Variants in CAMK4 observed in about 807,000 individuals in gnomAD.
CAMK4 encodes calcium/calmodulin dependent protein kinase IV.
CAMK4 carries 22 observed loss-of-function variants against 44.9 expected under a neutral mutation model. That is an observed-to-expected ratio of 0.49 (90% CI 0.35 to 0.70). The LOEUF (loss-of-function observed/expected upper bound fraction) is 0.70, where lower values mean the gene tolerates loss of function less well. Ranked by LOEUF, CAMK4 falls within the 30% of genes least tolerant of loss-of-function variation. The pLI is 0.01. For missense variants in CAMK4, 498 were observed against 586.8 expected, an observed-to-expected ratio of 0.85 and a Z score of 1.56; for synonymous variants, 218 against 215.4, an observed-to-expected ratio of 1.01 and a Z score of -0.11.
chr5:111,469,422 AC>A (rs1440215566), intron 7 of CAMK4, among the ~76,000 whole-genome samples: 1 of 152,082 alleles, frequency 6.6e-6, no homozygotes, highest in Non-Finnish European at 1.5e-5. Context: ...ACATTGCAGT[AC>A]AGTGCTTCAC....
intron 1 of CAMK4, among the ~76,000 whole-genome samples, chr5:111,339,717 G>A (rs1749559176): frequency 6.6e-6 from 1 of 151,094 alleles, no homozygotes; most frequent in African/African-American, 2.4e-5. Flanking sequence ...GGGGTCTTTT[G>A]TGATTCCACA....
intron 5 of CAMK4, among the ~76,000 whole-genome samples, chr5:111,426,305 T>A (rs1284356258): frequency 6.6e-6 from 1 of 152,210 alleles, no homozygotes; most frequent in Non-Finnish European, 1.5e-5. Flanking sequence ...TTAAAGTGAA[T>A]TTTTATATAC....
At chr5:111,351,382 G>T (rs933499836) in intron 2 of CAMK4, among the ~76,000 whole-genome samples, 2 of 151,474 alleles carry the variant, frequency 1.3e-5, no homozygotes, top group Admixed American at 6.6e-5. Flanking sequence ...AAGGAAACTG[G>T]CAACTTGGAA....
intron 2 of CAMK4, among the ~76,000 whole-genome samples, chr5:111,365,766 G>T (rs796183543): frequency 5.9e-5 from 9 of 152,186 alleles, no homozygotes; most frequent in African/African-American, 2.2e-4. Flanking sequence ...GTCATAAGAT[G>T]CCCAGGTTTC....
intron 5 of CAMK4, among the ~76,000 whole-genome samples, chr5:111,438,058 T>G (rs1753705918): frequency 6.6e-6 from 1 of 152,200 alleles, no homozygotes; most frequent in South Asian, 2.1e-4. Flanking sequence ...TGAAAGAACT[T>G]AATTGTGAAT....
Position 111,404,370 on chromosome 5 carries a change from A to T in CAMK4, c.459+9588A>T, listed in dbSNP as rs115002316. ...GTCCATGGTCAGTTCTTATCTGGAG[A>T]AAGTTACTGAAATCAGTCTCTTGTA... is the stretch of plus-strand genomic sequence containing the variant. On this transcript the variant is annotated intron_variant, in intron 5 of 10. Coordinates refer to ENST00000282356, the MANE Select transcript of CAMK4 (RefSeq NM_001744.6). Among the ~76,000 whole-genome samples the T allele has an allele frequency of 7.0e-3, 1,063 of 152,278 alleles. 8 individuals are homozygous for T. The highest frequency in any genetic ancestry group is 0.025 in the African/African-American group (1,024 of 41,558).
At chr5:111,324,835 A>AT (rs1392502822) in intron 1 of CAMK4, among the ~76,000 whole-genome samples, 13 of 151,804 alleles carry the variant, frequency 8.6e-5, no homozygotes, top group Non-Finnish European at 1.6e-4. Context: ...TATAGTATGT[A>AT]TTTTTTTTCT....
chr5:111,457,540 C>G (rs1754461713), intron 7 of CAMK4, among the ~76,000 whole-genome samples: 1 of 152,184 alleles, frequency 6.6e-6, no homozygotes, highest in Non-Finnish European at 1.5e-5. Context: ...AAAGAAATAA[C>G]CCATTAGATT....
At chr5:111,378,117 G>T (rs374321427) in intron 4 of CAMK4, among the ~76,000 whole-genome samples, 7 of 151,998 alleles carry the variant, frequency 4.6e-5, no homozygotes, top group Non-Finnish European at 1.0e-4. Flanking sequence ...AGGTCATAAA[G>T]GTGGAGCCCT....
intron 1 of CAMK4, among the ~76,000 whole-genome samples, chr5:111,253,446 T>C (rs1749606574): frequency 6.6e-6 from 1 of 152,182 alleles, no homozygotes; most frequent in Admixed American, 6.5e-5. Context: ...ATGGTCAGCA[T>C]TTGGTTTTCT....
rs376133338 is a variant in CAMK4, at chr5:111,474,576, T to C, written c.701+1190T>C. On this transcript the variant is annotated intron_variant, in intron 8 of 10. Transcript: ENST00000282356. ...CATTGGGAGCTGGGGCATCAACATA[T>C]GGATTTTGGGGTTGGAGGGGGGAAT... Among the ~76,000 whole-genome samples the C allele has an allele frequency of 7.2e-5, 11 of 152,184 alleles. No homozygotes were observed. In the East Asian group the frequency reaches 1.4e-3, roughly 19 times the overall value.
At chr5:111,241,471 C>A (rs1169862547) in intron 1 of CAMK4, among the ~76,000 whole-genome samples, 1 of 152,078 alleles carries the variant, frequency 6.6e-6, no homozygotes, top group Admixed American at 6.5e-5. Flanking sequence ...TGTGACATCT[C>A]TATGGATGTC....
At chr5:111,381,226 GAACT>G (rs1368905003) in intron 4 of CAMK4, among the ~76,000 whole-genome samples, 2 of 152,128 alleles carry the variant, frequency 1.3e-5, no homozygotes, top group African/African-American at 2.4e-5. Flanking sequence ...TAAAGGGACA[GAACT>G]AACAGGATAG....
chr5:111,308,728 G>C (rs1275990629), intron 1 of CAMK4, among the ~76,000 whole-genome samples: 1 of 152,114 alleles, frequency 6.6e-6, no homozygotes, highest in African/African-American at 2.4e-5. Context: ...GAAAACAATA[G>C]CTTATTACCG....
chr5:111,423,193 A>C (rs947718189), intron 5 of CAMK4, among the ~76,000 whole-genome samples: 1 of 152,188 alleles, frequency 6.6e-6, no homozygotes, highest in Non-Finnish European at 1.5e-5. Context: ...GTTAAATCAC[A>C]TTATTTTCAA....
At chr5:111,430,406 A>G (rs1753401767) in intron 5 of CAMK4, among the ~76,000 whole-genome samples, 1 of 152,226 alleles carries the variant, frequency 6.6e-6, no homozygotes, top group African/African-American at 2.4e-5. Context: ...CTGTAACTCA[A>G]CAAGGATGCC....
intron 1 of CAMK4, among the ~76,000 whole-genome samples, chr5:111,245,314 G>A (rs1394931681): frequency 6.6e-6 from 1 of 152,092 alleles, no homozygotes; most frequent in Non-Finnish European, 1.5e-5. Flanking sequence ...AGGCTGTCAA[G>A]TAAAGCTTTA....
chr5:111,225,371 T>A (rs1410591346), intron 1 of CAMK4, among the ~76,000 whole-genome samples: 1 of 152,218 alleles, frequency 6.6e-6, no homozygotes, highest in Admixed American at 6.5e-5. Flanking sequence ...CCTCTGAAGA[T>A]CCAAACAGGT....
chr5:111,224,751 T>A lies in CAMK4; in HGVS notation c.161+107T>A. ...GGAGCCTGCCTTCGTGCCCTTCGAT[T>A]TCTCCCTACCTAGTTAGTGTCTTGA... On this transcript the variant is annotated intron_variant, in intron 1 of 10. Coordinates refer to ENST00000282356, the MANE Select transcript of CAMK4 (RefSeq NM_001744.6). The surrounding 1 kb of genome is among the most constrained non-coding windows in gnomAD (Gnocchi z 5.7). 9.3e-7 allele frequency: 1 copy of A among 1,080,834 alleles called. No homozygotes were observed. Among genetic ancestry groups the A allele is most frequent in the Admixed American group, 2.6e-5 (1 of 38,662 alleles). 67.0% of individuals were successfully genotyped at this position (1,080,834 alleles called of 1,614,324 possible).
Sources: gnomAD v4.1 joint callset for allele counts (sites outside exome capture counted in the v4.1 genomes callset) on GRCh38, gnomAD v4.1.1 for gene constraint, Gnocchi (gnomAD v3.1) non-coding constraint, MANE v1.5 for transcripts, NCBI Gene and HGNC (gene_info 2026-07-23, HGNC 2026-07-21) for gene names.